The following CHSY3 variants were observed in gnomAD, a reference collection of about 807,000 sequenced individuals.
The protein encoded by CHSY3 is chondroitin sulfate synthase 3, also known as N-acetylgalactosaminyl-proteoglycan 3-beta-glucuronosyltransferase 3.
Under a neutral mutation model 67.2 loss-of-function variants are expected in CHSY3, and 35 were observed. That is an observed-to-expected ratio of 0.52 (90% CI 0.40 to 0.69). CHSY3 has a LOEUF of 0.69. CHSY3 is among the 30% of genes least tolerant of loss of function. The pLI is 0.00. For missense variants in CHSY3, 1,069 were observed against 1,138.5 expected (o/e 0.94, Z 0.88); for synonymous variants, 474 against 434.7 (o/e 1.09, Z -1.12).
intron 2 of CHSY3, among the ~76,000 whole-genome samples, chr5:130,047,999 G>A (rs1244920382): frequency 3.3e-5 from 5 of 150,632 alleles, no homozygotes; most frequent in Non-Finnish European, 5.9e-5. Flanking sequence ...TTTTGCACGC[G>A]TGGCTGTAAA....
At chr5:130,174,296 G>T (rs138774287) in intron 2 of CHSY3, among the ~76,000 whole-genome samples, 8 of 148,658 alleles carry the variant, frequency 5.4e-5, no homozygotes, top group African/African-American at 1.7e-4. Context: ...ATCCTTTCTC[G>T]TTAAAAAAAA....
At chr5:129,934,174 A>C (rs1761412737) in intron 2 of CHSY3, among the ~76,000 whole-genome samples, 1 of 152,194 alleles carries the variant, frequency 6.6e-6, no homozygotes, top group South Asian at 2.1e-4. Context: ...AAATGATCTC[A>C]ATATTTATTA....
chr5:130,061,243 C>G (rs895962717), intron 2 of CHSY3, among the ~76,000 whole-genome samples: 3 of 151,952 alleles, frequency 2.0e-5, no homozygotes, highest in Admixed American at 6.6e-5. Flanking sequence ...AATGGAGAAC[C>G]CAGATACAAA....
chr5:129,986,028 CT>C (rs1189700758), intron 2 of CHSY3, among the ~76,000 whole-genome samples: 1 of 152,048 alleles, frequency 6.6e-6, no homozygotes, highest in African/African-American at 2.4e-5. Flanking sequence ...TTATTTCTTT[CT>C]TTTGCCTAAT....
chr5:130,152,219 G>C (rs1358749883), intron 2 of CHSY3, among the ~76,000 whole-genome samples: 2 of 152,050 alleles, frequency 1.3e-5, no homozygotes, highest in Non-Finnish European at 2.9e-5. Flanking sequence ...TTACTATAAG[G>C]AAAAAATAAT....
chr5:130,008,425 T>C (rs1484340963), intron 2 of CHSY3, among the ~76,000 whole-genome samples: 1 of 152,048 alleles, frequency 6.6e-6, no homozygotes, highest in Admixed American at 6.6e-5. Flanking sequence ...ACTTATACCA[T>C]AGTCAAAGGG....
chr5:130,158,002 CTATTGCATTAT>C (rs1769422423), intron 2 of CHSY3, among the ~76,000 whole-genome samples: 1 of 152,220 alleles, frequency 6.6e-6, no homozygotes. Context: ...TTTTAGCATG[CTATTGCATTAT>C]AATTGCATTT....
chr5:130,125,817 G>A (rs1344713263), intron 2 of CHSY3, among the ~76,000 whole-genome samples: 2 of 152,110 alleles, frequency 1.3e-5, no homozygotes, highest in African/African-American at 4.8e-5. Context: ...AGATTTCCTT[G>A]GATAACAAGC....
intron 2 of CHSY3, among the ~76,000 whole-genome samples, chr5:130,160,898 T>TATTTA (rs112372220): frequency 6.9e-6 from 1 of 144,666 alleles, no homozygotes; most frequent in Non-Finnish European, 1.5e-5. Flanking sequence ...TTTATTTATT[T>TATTTA]TTTTTTTTTT....
At chr5:130,073,689 A>G (rs908402663) in intron 2 of CHSY3, among the ~76,000 whole-genome samples, 1 of 152,014 alleles carries the variant, frequency 6.6e-6, no homozygotes, top group Non-Finnish European at 1.5e-5. Flanking sequence ...CCTAGCCAAA[A>G]ATAAATTTTC....
At chr5:130,091,146 G>GCGCACACACA (rs1554082166) in intron 2 of CHSY3, among the ~76,000 whole-genome samples, 159 of 149,522 alleles carry the variant, frequency 1.1e-3, no homozygotes, top group African/African-American at 3.1e-3. Context: ...GCACACGCGC[G>GCGCACACACA]CACACACACA....
intron 2 of CHSY3, among the ~76,000 whole-genome samples, chr5:130,149,179 A>G (rs1311147139): frequency 6.6e-6 from 1 of 151,964 alleles, no homozygotes; most frequent in African/African-American, 2.4e-5. Flanking sequence ...TTGCTTCCAC[A>G]TTTTCAGGTA....
rs2436347 is a variant in CHSY3 at position 129,904,772 on chromosome 5, G to C, written c.-58G>C. 4.4e-5 allele frequency: 57 copies of C among 1,307,100 alleles called. No individual in the cohort carries two copies. The highest frequency in any genetic ancestry group is 2.9e-4 in the Middle Eastern group (1 of 3,440). 81.0% of individuals were successfully genotyped at this position (1,307,100 alleles called of 1,614,324 possible). ...CGGAGGAGGGGCGGGTGTGAGCCGGGGAAACCGCGTGCCGCGCCGCGACAG... is the reference window on the plus strand; with the variant it reads ...CGGAGGAGGGGCGGGTGTGAGCCGGCGAAACCGCGTGCCGCGCCGCGACAG... On this transcript the variant is annotated 5_prime_UTR_variant, in exon 1 of 3. Coordinates refer to ENST00000305031, the MANE Select transcript of CHSY3 (RefSeq NM_175856.5).
intron 2 of CHSY3, chr5:129,974,837 G>T (rs912026097): frequency 2.0e-5 from 3 of 152,118 alleles, no homozygotes; most frequent in African/African-American, 7.2e-5. Flanking sequence ...TATATTATTT[G>T]TGTAAGCTAT....
chr5:130,150,106 ATTAC>A (rs1405905634), intron 2 of CHSY3, among the ~76,000 whole-genome samples: 1 of 152,174 alleles, frequency 6.6e-6, no homozygotes, highest in Non-Finnish European at 1.5e-5. Flanking sequence ...GTAAGTATTT[ATTAC>A]TTTTTTTCAC....
In CHSY3 at chr5:129,904,540, A is replaced by AGCTGCCGCTGCTGCCGCC. The variant is rs1554068206; in HGVS notation, c.-281_-264dup. 1.5e-5 allele frequency: 5 copies of AGCTGCCGCTGCTGCCGCC among 331,766 alleles called. No homozygotes were observed. Among genetic ancestry groups the AGCTGCCGCTGCTGCCGCC allele is most frequent in the African/African-American group, 8.7e-5 (4 of 45,966 alleles). 20.6% of individuals were successfully genotyped at this position (331,766 alleles called of 1,614,324 possible). On this transcript the variant is annotated 5_prime_UTR_variant, in exon 1 of 3. Coordinates refer to ENST00000305031, the MANE Select transcript of CHSY3 (RefSeq NM_175856.5). ...CTCCTCCTCCTCCTGCAGCTCCTCCAGCTGCCGCTGCTGCCGCCGCTGCCG... is the reference window on the plus strand; with the variant it reads ...CTCCTCCTCCTCCTGCAGCTCCTCCAGCTGCCGCTGCTGCCGCCGCTGCCGCTGCTGCCGCCGCTGCCG...
intron 2 of CHSY3, among the ~76,000 whole-genome samples, chr5:129,954,654 T>A (rs1305613749): frequency 6.6e-6 from 1 of 152,134 alleles, no homozygotes; most frequent in African/African-American, 2.4e-5. Flanking sequence ...CTCTCTTATT[T>A]CCTTGAGCAG....
intron 2 of CHSY3, among the ~76,000 whole-genome samples, chr5:130,101,315 A>G (rs1037502648): frequency 6.6e-6 from 1 of 152,180 alleles, no homozygotes; most frequent in South Asian, 2.1e-4. Context: ...ATAGAATAGC[A>G]TAACGCAAAT....
rs556914918 is a variant in CHSY3 at position 130,024,524 on chromosome 5, C to T, written c.1086+116164C>T. Reference sequence around the variant, plus strand: ...CCCTGACTTTCTGCAGTGTGCTGCTCTTTCATGGTGACATCTAATCTGTTT... The same window carrying T: ...CCCTGACTTTCTGCAGTGTGCTGCTTTTTCATGGTGACATCTAATCTGTTT... On this transcript the variant is annotated intron_variant, in intron 2 of 2. Transcript: ENST00000305031. Among the ~76,000 whole-genome samples the T allele has an allele frequency of 4.6e-5, 7 of 152,230 alleles. No homozygotes were observed. The South Asian group carries it at 1.5e-3, about 32-fold the overall frequency.
Sources: gnomAD v4.1 joint callset for allele counts (sites outside exome capture counted in the v4.1 genomes callset) on GRCh38, gnomAD v4.1.1 for gene constraint, MANE v1.5 for transcripts, NCBI Gene and HGNC (gene_info 2026-07-23, HGNC 2026-07-21) for gene names.